Variants in SHLD1 observed in about 807,000 individuals in gnomAD.
The protein encoded by SHLD1 is shieldin complex subunit 1, also known as RINN1-REV7-interacting novel NHEJ regulator 3.
In SHLD1, 3 loss-of-function variants were observed where a neutral mutation model predicts 5.5. The ratio of observed to expected loss-of-function variants is 0.54; its 90% CI spans 0.25 to 1.40. The LOEUF is 1.40. SHLD1 is among the 40% of genes most tolerant of loss of function. The pLI is 0.15. For missense variants in SHLD1, 210 were observed against 244.4 expected, an observed-to-expected ratio of 0.86 and a Z score of 0.94; for synonymous variants, 92 against 94.3, an observed-to-expected ratio of 0.98 and a Z score of 0.14.
intron 1 of SHLD1, among the ~76,000 whole-genome samples, chr20:5,770,225 A>G (rs2122233286): frequency 6.6e-6 from 1 of 152,214 alleles, no homozygotes; most frequent in East Asian, 1.9e-4. Flanking sequence ...AGAACATTCT[A>G]ATCAGAGGTT....
Position 5,863,715 on chromosome 20 carries a change from G to A in SHLD1, c.*252G>A. The A allele has an allele frequency of 2.2e-6, 1 of 447,428 alleles. No homozygotes were observed. 27.7% of individuals were successfully genotyped at this position (447,428 alleles called of 1,614,324 possible). A position where few individuals can be genotyped will look rare whatever the true frequency, so the allele number is the denominator to read the frequency against. ...TGACTGACTGGGCTACGAGTCAAAA[G>A]CCCAGCTCCCTTGCCTCAAGGAAGG... On this transcript the variant is annotated 3_prime_UTR_variant, in exon 3 of 3. Transcript: ENST00000303142.
intron 2 of SHLD1, among the ~76,000 whole-genome samples, chr20:5,838,576 C>T (rs1033652820): frequency 2.6e-5 from 4 of 152,174 alleles, no homozygotes; most frequent in Admixed American, 2.6e-4. Context: ...GCCTGACCAA[C>T]ATGGCAAAAC....
intron 2 of SHLD1, among the ~76,000 whole-genome samples, chr20:5,850,678 T>C (rs534095655): frequency 6.6e-6 from 1 of 151,896 alleles, no homozygotes; most frequent in African/African-American, 2.4e-5. Context: ...ACCCAGCTAA[T>C]TTTTGTATTT....
chr20:5,763,229 C>T (rs1253829582), intron 1 of SHLD1, among the ~76,000 whole-genome samples: 1 of 142,138 alleles, frequency 7.0e-6, no homozygotes, highest in Non-Finnish European at 1.5e-5. Flanking sequence ...TCGCTTGAAC[C>T]TGGGAGGCGG....
chr20:5,842,271 A>C (rs538614036), intron 2 of SHLD1, among the ~76,000 whole-genome samples: 2 of 152,198 alleles, frequency 1.3e-5, no homozygotes, highest in Non-Finnish European at 2.9e-5. Flanking sequence ...CTTCAGATAA[A>C]ATTTCTGTAC....
chr20:5,818,861 C>T lies in SHLD1; in HGVS notation c.179-44163C>T, dbSNP rs866321539. Among the ~76,000 whole-genome samples, 1,073 of 152,142 alleles carry T rather than the reference C, an allele frequency of 7.1e-3. 8 individuals carry two copies. Among genetic ancestry groups the T allele is most frequent in the African/African-American group, 0.025 (1,040 of 41,502 alleles). On this transcript the variant is annotated intron_variant, in intron 2 of 2. Coordinates refer to ENST00000303142, the MANE Select transcript of SHLD1 (RefSeq NM_152504.4). ...GGATCCTGCCATGCAGTGTCCACTT[C>T]TGTTTTGTTTTGTTTTGTTGAGATG...
At chr20:5,823,138 C>T (rs1256531308) in intron 2 of SHLD1, among the ~76,000 whole-genome samples, 2 of 152,078 alleles carry the variant, frequency 1.3e-5, no homozygotes, top group Non-Finnish European at 2.9e-5. Flanking sequence ...TGATCCCCCC[C>T]TTCCCGGATA....
rs150675433 is a variant in SHLD1, at chr20:5,844,770, CATATATAT to C, written c.179-18231_179-18224del. On this transcript the variant is annotated intron_variant, in intron 2 of 2. Coordinates refer to ENST00000303142, the MANE Select transcript of SHLD1 (RefSeq NM_152504.4). ...ATAATATCTATCACTGTGTAGTAGA[CATATATAT>C]ATATATATATATATATATATATTTT... Among the ~76,000 whole-genome samples, 403 of 101,046 alleles carry C rather than the reference CATATATAT, an allele frequency of 4.0e-3. 12 individuals are homozygous for C. Among genetic ancestry groups the C allele is most frequent in the African/African-American group, 0.014 (348 of 24,546 alleles). 66.3% of individuals were successfully genotyped at this position (101,046 alleles called of 152,430 possible).
chr20:5,841,170 A>AGTGTGTGTGT (rs11469039), intron 2 of SHLD1, among the ~76,000 whole-genome samples: 144 of 146,404 alleles, frequency 9.8e-4, no homozygotes, highest in South Asian at 4.8e-3. Flanking sequence ...GAAAATAGCG[A>AGTGTGTGTGT]GTGTGTGTGT....
intron 2 of SHLD1, among the ~76,000 whole-genome samples, chr20:5,777,873 G>A (rs113099566): frequency 2.0e-5 from 3 of 152,106 alleles, no homozygotes; most frequent in African/African-American, 7.2e-5. Context: ...ACACTTTGGA[G>A]AGGTGGAAGG....
chr20:5,838,058 T>A (rs1419400963), intron 2 of SHLD1, among the ~76,000 whole-genome samples: 1 of 152,226 alleles, frequency 6.6e-6, no homozygotes, highest in African/African-American at 2.4e-5. Context: ...TTAGTAGCGA[T>A]CAATCTTTGT....
chr20:5,758,067 G>A (rs953674240), intron 1 of SHLD1, among the ~76,000 whole-genome samples: 3 of 151,990 alleles, frequency 2.0e-5, no homozygotes, highest in South Asian at 2.1e-4. Flanking sequence ...AGGATGCATA[G>A]AGTGAATTGA....
intron 2 of SHLD1, among the ~76,000 whole-genome samples, chr20:5,817,436 G>C (rs146972610): frequency 0.14 from 11,158 of 77,086 alleles, 530 homozygotes; most frequent in Middle Eastern, 0.17. Context: ...CTCTCTCTGT[G>C]TGTGTGTGTG....
chr20:5,814,747 C>T (rs993653945), intron 2 of SHLD1, among the ~76,000 whole-genome samples: 1 of 147,110 alleles, frequency 6.8e-6, no homozygotes, highest in African/African-American at 2.5e-5. Flanking sequence ...ACTGCAACCT[C>T]TGCCTCCCAG....
At chr20:5,771,349 C>T (rs1985141934) in intron 1 of SHLD1, among the ~76,000 whole-genome samples, 1 of 152,198 alleles carries the variant, frequency 6.6e-6, no homozygotes. Context: ...GCAGCAGCTT[C>T]TTCACTGGCA....
chr20:5,770,331 A>C (rs1378519079), intron 1 of SHLD1, among the ~76,000 whole-genome samples: 1 of 152,176 alleles, frequency 6.6e-6, no homozygotes, highest in Non-Finnish European at 1.5e-5. Flanking sequence ...TTTGTGCTTT[A>C]ATGTCAGTGC....
At chr20:5,832,788 A>G (rs2087743918) in intron 2 of SHLD1, among the ~76,000 whole-genome samples, 1 of 142,670 alleles carries the variant, frequency 7.0e-6, no homozygotes, top group African/African-American at 2.6e-5. Flanking sequence ...TAAAAGCTGG[A>G]AATCAAAATA....
At chr20:5,781,134 G>A (rs775189707) in intron 2 of SHLD1, among the ~76,000 whole-genome samples, 6 of 152,204 alleles carry the variant, frequency 3.9e-5, no homozygotes, top group Non-Finnish European at 7.3e-5. Flanking sequence ...CTCATGAAAT[G>A]ATGGTAAAAT....
chr20:5,771,137 C>T (rs1985130196), intron 1 of SHLD1, among the ~76,000 whole-genome samples: 1 of 152,182 alleles, frequency 6.6e-6, no homozygotes, highest in Non-Finnish European at 1.5e-5. Context: ...TGCCCTGCAG[C>T]GTTGCCACAG....
Sources: allele counts gnomAD v4.1 joint callset (sites outside exome capture counted in the v4.1 genomes callset), GRCh38; gene constraint gnomAD v4.1.1; transcripts MANE v1.5; gene names NCBI Gene and HGNC (gene_info 2026-07-23, HGNC 2026-07-21).